The following PCDHA1 variants were observed in gnomAD, a reference collection of about 807,000 sequenced individuals.
PCDHA1 encodes protocadherin alpha 1, also known as protocadherin alpha-1.
In PCDHA1, 42 loss-of-function variants were observed where a neutral mutation model predicts 61.3. The observed-to-expected ratio is 0.69, with a 90% CI of 0.54 to 0.89. The LOEUF (loss-of-function observed/expected upper bound fraction) is 0.89, where lower values mean the gene tolerates loss of function less well. Among genes scored for constraint, PCDHA1 ranks in the 40% least tolerant of loss-of-function variants. The pLI is 0.00. For synonymous variants in PCDHA1, 610 were observed against 553.8 expected (o/e 1.10, Z -1.43); for missense variants, 1,256 against 1,235.3 (o/e 1.02, Z -0.25).
chr5:140,833,761 C>CAG (rs1772632017), intron 1 of PCDHA1, among the ~76,000 whole-genome samples: 1 of 151,960 alleles, frequency 6.6e-6, no homozygotes, highest in South Asian at 2.1e-4. Flanking sequence ...AACACACACA[C>CAG]ACACACCGCT....
chr5:140,939,510 A>G (rs2092401222), intron 1 of PCDHA1, among the ~76,000 whole-genome samples: 1 of 150,724 alleles, frequency 6.6e-6, no homozygotes, highest in Admixed American at 6.6e-5. Flanking sequence ...TGTCTATAAC[A>G]TTAATAGTTA....
intron 2 of PCDHA1, among the ~76,000 whole-genome samples, chr5:140,980,036 G>T (rs952735379): frequency 6.6e-6 from 1 of 152,176 alleles, no homozygotes; most frequent in African/African-American, 2.4e-5. Context: ...ATTACATTGG[G>T]TGCTATTTCT....
At chr5:140,929,768 C>T (rs534287991) in intron 1 of PCDHA1, 1 of 175,482 alleles carries the variant, frequency 5.7e-6, no homozygotes, top group South Asian at 2.0e-4. Context: ...ACGATAACCA[C>T]AAAAGATGTA....
chr5:140,949,892 C>G (rs2094430270), intron 1 of PCDHA1, among the ~76,000 whole-genome samples: 1 of 151,674 alleles, frequency 6.6e-6, no homozygotes, highest in African/African-American at 2.4e-5. Context: ...TCCTCAGAAT[C>G]TCTTTTAATT....
At chr5:140,871,126 C>T in intron 1 of PCDHA1, 1 of 1,613,370 alleles carries the variant, frequency 6.2e-7, no homozygotes. Context: ...CGGACAGGCG[C>T]CAAAGGCCTC....
intron 1 of PCDHA1, chr5:140,803,730 G>C: frequency 7.0e-7 from 1 of 1,431,618 alleles, no homozygotes; most frequent in Non-Finnish European, 9.4e-7. Flanking sequence ...GTGGTTTTGT[G>C]GTTAAAACGG....
chr5:140,787,254 G>T lies in PCDHA1; in HGVS notation c.964G>T (p.Ala322Ser), dbSNP rs782372160. 6.2e-7 allele frequency: 1 copy of T among 1,614,166 alleles called. No individual in the cohort carries two copies. Among genetic ancestry groups the T allele is most frequent in the Non-Finnish European group, 8.5e-7 (1 of 1,180,036 alleles). Residue 322 changes from alanine (A) to serine (S), a missense_variant, in exon 1 of 4, where the codon GCA (alanine) becomes TCA (serine). Ala to Ser is a moderately conservative substitution (Grantham distance 99, BLOSUM62 1). Transcript: ENST00000504120. Reference sequence around the variant, plus strand: ...AAAATCCTACGAAATTCAAGTAAAGGCAGTTGATAAAGGAAGTCCTCCGAT... The same window carrying T: ...AAAATCCTACGAAATTCAAGTAAAGTCAGTTGATAAAGGAAGTCCTCCGAT... ...ETKSYEIQVKAVDKGSPPMSN... is the reference protein window; with the variant it reads ...ETKSYEIQVKSVDKGSPPMSN...
chr5:141,009,975 GTAA>G lies in PCDHA1; in HGVS notation c.*43_*45del. The G allele has an allele frequency of 6.3e-7, 1 of 1,585,060 alleles. No individual in the cohort carries two copies. Among genetic ancestry groups the G allele is most frequent in the Non-Finnish European group, 8.6e-7 (1 of 1,168,878 alleles). ...GAAACAAGCCACTTAGCCAGTTTTT[GTAA>G]TAATGGCAAATCTCTCCCATGTAGC... On this transcript the variant is annotated 3_prime_UTR_variant, in exon 4 of 4. Coordinates refer to ENST00000504120, the MANE Select transcript of PCDHA1 (RefSeq NM_018900.4).
At chr5:140,880,514 T>A (rs2058367516) in intron 1 of PCDHA1, among the ~76,000 whole-genome samples, 1 of 152,198 alleles carries the variant, frequency 6.6e-6, no homozygotes, top group African/African-American at 2.4e-5. Context: ...TTTGGTCACA[T>A]CTCTCAATGT....
At chr5:140,941,290 T>A (rs1403658442) in intron 1 of PCDHA1, among the ~76,000 whole-genome samples, 1 of 69,836 alleles carries the variant, frequency 1.4e-5, no homozygotes, top group Non-Finnish European at 3.3e-5. Flanking sequence ...TCCTTTCTCT[T>A]TCTTTCTTTC....
intron 1 of PCDHA1, chr5:140,877,407 C>A: frequency 6.2e-7 from 1 of 1,613,942 alleles, no homozygotes; most frequent in Non-Finnish European, 8.5e-7. Flanking sequence ...CTCCGCGCCA[C>A]CGCCTGCTGG....
At chr5:140,823,126 G>C (rs1554129157) in intron 1 of PCDHA1, 4 of 1,614,022 alleles carry the variant, frequency 2.5e-6, no homozygotes, top group Non-Finnish European at 3.4e-6. Context: ...GAACGACAAC[G>C]CTCCGGCGTT....
In PCDHA1 at chr5:140,916,964, T is replaced by C. The variant is rs139574694; in HGVS notation, c.2395-61985T>C. On this transcript the variant is annotated intron_variant, in intron 1 of 3. Transcript: ENST00000504120. The stretch of plus-strand genomic sequence containing the variant: ...GTGAGGCTTGCTGAGTTCTGACTGC[T>C]GGGATGAGTGATTCGCCTCTGGCCA... Among the ~76,000 whole-genome samples, 15 of 152,322 alleles carry C rather than the reference T, an allele frequency of 9.8e-5. No individual in the cohort carries two copies. In the East Asian group the frequency reaches 2.9e-3, roughly 29 times the overall value.
chr5:140,999,011 A>G (rs2097843002), intron 3 of PCDHA1, among the ~76,000 whole-genome samples: 1 of 152,246 alleles, frequency 6.6e-6, no homozygotes, highest in Non-Finnish European at 1.5e-5. Flanking sequence ...CTGAGATTTG[A>G]ACCCAAGACT....
intron 1 of PCDHA1, chr5:140,823,140 G>T (rs2150122762): frequency 1.2e-6 from 2 of 1,614,000 alleles, no homozygotes; most frequent in South Asian, 2.2e-5. Context: ...CGGCGTTCGC[G>T]CAGCCCCAGT....
chr5:140,938,698 T>C (rs1430283682), intron 1 of PCDHA1, among the ~76,000 whole-genome samples: 1 of 152,194 alleles, frequency 6.6e-6, no homozygotes, highest in East Asian at 1.9e-4. Context: ...TTTTTAAATA[T>C]ATGTTTATGA....
At position 140,809,156 on chromosome 5, in the gene PCDHA1, C is replaced by T. The variant is rs142332964; in HGVS notation, c.2394+20472C>T. 2.7e-5 allele frequency: 44 copies of T among 1,613,980 alleles called. No homozygotes were observed. The South Asian group carries it at 4.6e-4, about 17-fold the overall frequency. On this transcript the variant is annotated intron_variant, in intron 1 of 3. Coordinates refer to ENST00000504120, the MANE Select transcript of PCDHA1 (RefSeq NM_018900.4). ...GGTACTGGTGAAGGACCACGGCGAG[C>T]CCGCGCTGACGGCCACGGCCACTGT...
chr5:140,927,769 G>A (rs1471080821), intron 1 of PCDHA1: 4 of 1,614,084 alleles, frequency 2.5e-6, no homozygotes, highest in African/African-American at 2.7e-5. Context: ...AAGTGGGGAG[G>A]TGCAAGTAGC....
intron 1 of PCDHA1, chr5:140,866,771 G>T (rs1274249290): frequency 2.0e-5 from 3 of 152,268 alleles, no homozygotes; most frequent in Non-Finnish European, 2.9e-5. Flanking sequence ...CAGGCAGATT[G>T]TATGTCCTGA....
Sources: gnomAD v4.1 joint callset for allele counts (sites outside exome capture counted in the v4.1 genomes callset) on GRCh38, gnomAD v4.1.1 for gene constraint, MANE v1.5 for transcripts, NCBI Gene and HGNC (gene_info 2026-07-23, HGNC 2026-07-21) for gene names.